Variants in TTC7A observed in about 807,000 individuals in gnomAD.
TTC7A encodes tetratricopeptide repeat protein 7A.
Under a neutral mutation model 103.7 loss-of-function variants are expected in TTC7A, and 110 were observed. That is an observed-to-expected ratio of 1.06 (90% CI 0.91 to 1.24). TTC7A has a LOEUF of 1.24. TTC7A is among the 50% of genes most tolerant of loss of function. The pLI is 0.00. For synonymous variants in TTC7A, 521 were observed against 467.9 expected (o/e 1.11, Z -1.47); for missense variants, 1,340 against 1,116.3 (o/e 1.20, Z -2.86).
intron 2 of TTC7A, among the ~76,000 whole-genome samples, chr2:46,924,309 T>G (rs1558474805): frequency 6.6e-6 from 1 of 151,884 alleles, no homozygotes; most frequent in African/African-American, 2.4e-5. Flanking sequence ...TGGTATCAGC[T>G]CATCAACATT....
At chr2:47,050,531 C>A (rs78194063) in intron 17 of TTC7A, 4,863 of 156,504 alleles carry the variant, frequency 0.031, 169 homozygotes, top group South Asian at 0.12. Flanking sequence ...AACTGAGGAC[C>A]TGCTTAAAGC....
intron 13 of TTC7A, 114 bp from the exon 14 acceptor site, chr2:47,024,173 C>T: frequency 1.1e-6 from 1 of 906,740 alleles, no homozygotes; most frequent in Non-Finnish European, 1.6e-6. Flanking sequence ...TGGCAGAATC[C>T]CCCAGGGTAT....
At chr2:47,034,596 G>C (rs1680910408) in intron 15 of TTC7A, among the ~76,000 whole-genome samples, 1 of 152,108 alleles carries the variant, frequency 6.6e-6, no homozygotes, top group African/African-American at 2.4e-5. Context: ...CTCATGATGG[G>C]AGCTTTCCAA....
chr2:46,930,645 G>A (rs1038063596), intron 2 of TTC7A, among the ~76,000 whole-genome samples: 14 of 151,884 alleles, frequency 9.2e-5, no homozygotes, highest in South Asian at 2.1e-4. Context: ...GATTACAGGC[G>A]CCTGCAACCA....
rs116715068 is a variant in TTC7A, at chr2:47,011,964, C to T, written c.1392+529C>T. Among the ~76,000 whole-genome samples, 1,073 of 152,370 alleles carry T rather than the reference C, an allele frequency of 7.0e-3. 13 individuals carry two copies. The highest frequency in any genetic ancestry group is 0.024 in the African/African-American group (1,017 of 41,598). ...ACTGCTCTCTGCAGAAGCAGCTGAA[C>T]TGTTAGGAGGCTATGGCTCCAGGTC... is the stretch of plus-strand genomic sequence containing the variant. On this transcript the variant is annotated intron_variant, in intron 11 of 19. Transcript: ENST00000319190.
chr2:47,015,227 A>G (rs1274975291), intron 11 of TTC7A, among the ~76,000 whole-genome samples: 1 of 152,268 alleles, frequency 6.6e-6, no homozygotes, highest in Non-Finnish European at 1.5e-5. Context: ...TTGCAGCAGA[A>G]GGAAAGAGAG....
chr2:47,051,802 CT>C lies in TTC7A; in HGVS notation c.2075del (p.Leu692ArgfsTer8). On this transcript the variant is annotated frameshift_variant, in exon 18 of 20. Transcript: ENST00000319190. LOFTEE classifies it high-confidence loss of function. ...CCGGCTGGAGGAGGCCATGTCAGAG[CT>C]GACTATGCCCTCTTCGGTCCTGAAG... is the stretch of plus-strand genomic sequence containing the variant. ...ASRLEEAMSE[L>X]TMPSSVLKQG... 1 of 1,611,902 alleles carries C rather than the reference CT, an allele frequency of 6.2e-7. No homozygotes were observed. The highest frequency in any genetic ancestry group is 8.5e-7 in the Non-Finnish European group (1 of 1,179,778).
intron 8 of TTC7A, among the ~76,000 whole-genome samples, chr2:47,003,302 G>T (rs947931213): frequency 2.6e-5 from 4 of 152,136 alleles, no homozygotes; most frequent in Non-Finnish European, 4.4e-5. Context: ...GGCTGGGTTG[G>T]GGGAGGACAG....
At chr2:46,969,219 C>A (rs910646412) in intron 3 of TTC7A, among the ~76,000 whole-genome samples, 3 of 125,714 alleles carry the variant, frequency 2.4e-5, no homozygotes, top group African/African-American at 8.4e-5. Context: ...AAAAAAAAAT[C>A]TGGGCCGGGC....
intron 11 of TTC7A, among the ~76,000 whole-genome samples, chr2:47,019,846 G>A (rs911413383): frequency 2.6e-5 from 4 of 152,174 alleles, no homozygotes; most frequent in Admixed American, 6.5e-5. Flanking sequence ...TTTGAATGGA[G>A]CCTCATAATG....
rs376541695 is a variant in TTC7A, at chr2:46,929,236, C to T, written c.82+11959C>T. Among the ~76,000 whole-genome samples, 3 of 152,142 alleles carry T rather than the reference C, an allele frequency of 2.0e-5. No homozygotes were observed. The East Asian group carries it at 5.8e-4, about 29-fold the overall frequency. Reference sequence around the variant, plus strand: ...CAGTGGCTCATGCATGTAATCCTAGCACTTTGGGAAGCTAAGGTAGGAAGA... The same window carrying T: ...CAGTGGCTCATGCATGTAATCCTAGTACTTTGGGAAGCTAAGGTAGGAAGA... On this transcript the variant is annotated intron_variant, in intron 2 of 20. Transcript: ENST00000409245.
chr2:47,067,200 A>T (rs949615205), intron 19 of TTC7A, among the ~76,000 whole-genome samples: 2 of 152,270 alleles, frequency 1.3e-5, no homozygotes, highest in Admixed American at 1.3e-4. Context: ...TTCAATCCAT[A>T]GCACTGGCTC....
chr2:46,926,991 G>C (rs1669417590), intron 2 of TTC7A, among the ~76,000 whole-genome samples: 1 of 152,054 alleles, frequency 6.6e-6, no homozygotes, highest in South Asian at 2.1e-4. Flanking sequence ...TTGAACTACA[G>C]TTTAGACACA....
intron 19 of TTC7A, among the ~76,000 whole-genome samples, chr2:47,065,305 GTAGCT>G (rs1684096594): frequency 6.6e-6 from 1 of 152,190 alleles, no homozygotes; most frequent in Admixed American, 6.5e-5. Context: ...AAAAAATGAG[GTAGCT>G]TAGAACTGTG....
chr2:46,923,081 C>G (rs555078464), intron 2 of TTC7A, among the ~76,000 whole-genome samples: 36 of 152,356 alleles, frequency 2.4e-4, no homozygotes, highest in Non-Finnish European at 5.3e-4. Context: ...GCTTCTGTCC[C>G]CATGGAGTTG....
chr2:46,942,737 C>G (rs60652723), intron 1 of TTC7A, among the ~76,000 whole-genome samples: 12,068 of 152,214 alleles, frequency 0.079, 849 homozygotes, highest in African/African-American at 0.19. Flanking sequence ...GCCCAGGTTT[C>G]TGAGTACATC....
intron 19 of TTC7A, among the ~76,000 whole-genome samples, chr2:47,068,870 AAAAAAAAAAAAAAAAAAG>A (rs1296321521): frequency 2.1e-4 from 12 of 58,474 alleles, no homozygotes; most frequent in Non-Finnish European, 3.0e-4. Context: ...TTCAAAAAAA[AAAAAAAAAAAAAAAAAAG>A]AAAGACTCAC....
chr2:46,964,869 T>C (rs1223072904), intron 3 of TTC7A, among the ~76,000 whole-genome samples: 1 of 152,156 alleles, frequency 6.6e-6, no homozygotes, highest in Non-Finnish European at 1.5e-5. Flanking sequence ...CAGACCTTAG[T>C]CATTGGTGCC....
At chr2:46,974,881 C>A in intron 3 of TTC7A, 92 bp from the exon 4 acceptor site, 1 of 1,539,482 alleles carries the variant, frequency 6.5e-7, no homozygotes, top group Non-Finnish European at 8.8e-7. Flanking sequence ...AGTGTCTGCC[C>A]CCTCGGATGA....
Sources: allele counts gnomAD v4.1 joint callset (sites outside exome capture counted in the v4.1 genomes callset), GRCh38; gene constraint gnomAD v4.1.1; transcripts MANE v1.5; gene names NCBI Gene and HGNC (gene_info 2026-07-23, HGNC 2026-07-21).